The following CACNA1A variants were observed in gnomAD, a reference collection of about 807,000 sequenced individuals.
CACNA1A encodes the protein calcium voltage-gated channel subunit alpha1 A, also known as voltage-dependent P/Q-type calcium channel subunit alpha-1A.
In CACNA1A, 57 loss-of-function variants were observed where a neutral mutation model predicts 262.4. That is an observed-to-expected ratio of 0.22 (90% CI 0.18 to 0.27). The LOEUF is 0.27. CACNA1A is among the 10% of genes least tolerant of loss of function. The pLI, the probability that CACNA1A is intolerant of heterozygous loss-of-function variation, is 1.00. For missense variants in CACNA1A, 2,526 were observed against 3,562.8 expected (o/e 0.71, Z 7.41); for synonymous variants, 1,431 against 1,419.3 (o/e 1.01, Z -0.18).
At chr19:13,268,713 T>C (rs186893710) in intron 24 of CACNA1A, among the ~76,000 whole-genome samples, 279 of 152,028 alleles carry the variant, frequency 1.8e-3, no homozygotes, top group African/African-American at 6.1e-3. Context: ...GGATTACAGG[T>C]GTGAGCCACC....
At chr19:13,332,339 G>A (rs907008635) in intron 9 of CACNA1A, among the ~76,000 whole-genome samples, 1 of 152,006 alleles carries the variant, frequency 6.6e-6, no homozygotes, top group African/African-American at 2.4e-5. Flanking sequence ...GCCAGAGGTT[G>A]CAGTGAGGTG....
At chr19:13,261,304 C>T in intron 26 of CACNA1A, 146 bp downstream of exon 26, 2 of 655,676 alleles carry the variant, frequency 3.1e-6, no homozygotes, top group Non-Finnish European at 5.1e-6. Context: ...TTCTTTCTAC[C>T]CAAGATCCAA....
At position 13,455,229 on chromosome 19, in the gene CACNA1A, GA is replaced by G; in HGVS notation, c.294-18del. 1 of 1,504,808 alleles carries G rather than the reference GA, an allele frequency of 6.6e-7. No homozygotes were observed. Among genetic ancestry groups the G allele is most frequent in the Non-Finnish European group, 9.3e-7 (1 of 1,080,904 alleles). The allele number at this position is 1,504,808 out of a possible 1,614,324, so 93.2% of individuals were successfully genotyped here. ...TCAAAGGGAGTATTGGGGAATTAAG[GA>G]AAAATCTTGTTCAAAGAAAAGAAGG... On this transcript the variant is annotated intron_variant, in intron 1 of 46. Coordinates refer to ENST00000360228, the MANE Select transcript of CACNA1A (RefSeq NM_001127222.2).
intron 1 of CACNA1A, among the ~76,000 whole-genome samples, chr19:13,457,853 CAAAAAAAAA>C (rs775895393): frequency 3.4e-5 from 2 of 58,672 alleles, no homozygotes; most frequent in South Asian, 1.2e-3. Flanking sequence ...AACTCCGTTT[CAAAAAAAAA>C]AAAAAAAAAG....
At chr19:13,267,076 A>G (rs2144791239) in intron 24 of CACNA1A, among the ~76,000 whole-genome samples, 1 of 152,256 alleles carries the variant, frequency 6.6e-6, no homozygotes, top group African/African-American at 2.4e-5. Context: ...CCACAGAAAC[A>G]GGCCCAGAAC....
At chr19:13,456,599 G>A (rs2061013675) in intron 1 of CACNA1A, among the ~76,000 whole-genome samples, 1 of 152,086 alleles carries the variant, frequency 6.6e-6, no homozygotes, top group South Asian at 2.1e-4. Flanking sequence ...GCGTGAACCT[G>A]GGAGGCGGAG....
chr19:13,237,741 CAG>C (rs2144658370), intron 31 of CACNA1A, among the ~76,000 whole-genome samples: 1 of 152,304 alleles, frequency 6.6e-6, no homozygotes, highest in South Asian at 2.1e-4. Context: ...GCTTGGCTAA[CAG>C]AGTCACTCTC....
chr19:13,506,302 G>A lies in CACNA1A; in HGVS notation c.-78C>T. On this transcript the variant is annotated 5_prime_UTR_variant, in exon 1 of 47. Transcript: ENST00000360228. ...CGCCGCCGCCGCCGCCGCCGCCGCT[G>A]ATGCTGAGGCTGCCGGGGCTGGGAG... 1 of 1,289,826 alleles carries A rather than the reference G, an allele frequency of 7.8e-7. No homozygotes were observed. Among genetic ancestry groups the A allele is most frequent in the Non-Finnish European group, 1.0e-6 (1 of 995,400 alleles). The allele number at this position is 1,289,826 out of a possible 1,614,324, so 79.9% of individuals were successfully genotyped here. A position where few individuals can be genotyped will look rare whatever the true frequency, so the allele number is the denominator to read the frequency against.
intron 7 of CACNA1A, 68 bp from the exon 8 acceptor site, chr19:13,334,561 TTGTGTGTGTGTGTG>T (rs1196739807): frequency 5.4e-5 from 17 of 312,660 alleles, no homozygotes; most frequent in Non-Finnish European, 8.7e-5. Context: ...GTGTGTGTGT[TTGTGTGTGTGTGTG>T]TGTGTGTGTG....
At chr19:13,505,206 G>A (rs1018782052) in intron 1 of CACNA1A, among the ~76,000 whole-genome samples, 5 of 152,118 alleles carry the variant, frequency 3.3e-5, no homozygotes, top group African/African-American at 1.2e-4. Context: ...CCCCAAAGAT[G>A]ATGAGGTTCC....
chr19:13,423,991 C>A (rs1382589811), intron 3 of CACNA1A, among the ~76,000 whole-genome samples: 1 of 152,178 alleles, frequency 6.6e-6, no homozygotes, highest in African/African-American at 2.4e-5. Context: ...GCCCTGCCCT[C>A]CAGGGAGTGT....
intron 3 of CACNA1A, among the ~76,000 whole-genome samples, chr19:13,419,454 T>C (rs1277180707): frequency 6.6e-6 from 1 of 151,348 alleles, no homozygotes; most frequent in Non-Finnish European, 1.5e-5. Flanking sequence ...GGTGGGAGGC[T>C]CTTTTGAGCC....
In CACNA1A at chr19:13,429,945, G is replaced by C. The variant is rs1272890342; in HGVS notation, c.539+22931C>G. On this transcript the variant is annotated intron_variant, in intron 3 of 46. Transcript: ENST00000360228. ...TCACAGAGATAGAAACTAGAACGGCGGGTGCCAGGGGCTGGGGGAGTGGGG... is the reference window on the plus strand; with the variant it reads ...TCACAGAGATAGAAACTAGAACGGCCGGTGCCAGGGGCTGGGGGAGTGGGG... Among the ~76,000 whole-genome samples, 8 of 144,428 alleles carry C rather than the reference G, an allele frequency of 5.5e-5. No individual in the cohort carries two copies. The South Asian group carries it at 1.9e-3, about 34-fold the overall frequency. The allele number at this position is 144,428 out of a possible 152,430, so 94.8% of individuals were successfully genotyped here.
intron 3 of CACNA1A, among the ~76,000 whole-genome samples, chr19:13,415,763 A>T (rs1158829632): frequency 2.7e-5 from 4 of 147,126 alleles, no homozygotes; most frequent in African/African-American, 9.9e-5. Flanking sequence ...AAAAAAAAAA[A>T]AAAAAAAAAA....
chr19:13,333,583 C>CAAT, intron 8 of CACNA1A: 1 of 152,306 alleles, frequency 6.6e-6, no homozygotes, highest in East Asian at 1.9e-4. Flanking sequence ...TACAGGCGTG[C>CAAT]GCCACCATGC....
chr19:13,308,143 C>T lies in CACNA1A; in HGVS notation c.1890G>A (p.Leu630=). The change falls in exon 14 of 47, where the codon TTG becomes TTA. Residue 630 remains leucine (L), a synonymous_variant. Coordinates refer to ENST00000360228, the MANE Select transcript of CACNA1A (RefSeq NM_001127222.2). The surrounding 1 kb of genome is among the most constrained non-coding windows in gnomAD (Gnocchi z 4.2). ...LFLFIVVFAL[L]GMQLFGGQFN... Reference sequence around the variant, plus strand: ...ACTGGCCGCCGAAGAGTTGCATTCCCAAAAGGGCGAAGACGACAATGAACA... The same window carrying T: ...ACTGGCCGCCGAAGAGTTGCATTCCTAAAAGGGCGAAGACGACAATGAACA... The T allele has an allele frequency of 5.6e-6, 9 of 1,613,958 alleles. No homozygotes were observed. The highest frequency in any genetic ancestry group is 5.1e-6 in the Non-Finnish European group (6 of 1,179,878).
At chr19:13,373,811 C>T (rs938880063) in intron 3 of CACNA1A, among the ~76,000 whole-genome samples, 8 of 152,198 alleles carry the variant, frequency 5.3e-5, no homozygotes, top group South Asian at 2.1e-4. Flanking sequence ...CACAAGTGGG[C>T]GTCTGAGCGT....
chr19:13,472,318 A>G (rs1483350016), intron 1 of CACNA1A, among the ~76,000 whole-genome samples: 1 of 151,828 alleles, frequency 6.6e-6, no homozygotes, highest in Non-Finnish European at 1.5e-5. Flanking sequence ...GTATACATAT[A>G]TATGCTTTAT....
intron 1 of CACNA1A, among the ~76,000 whole-genome samples, chr19:13,466,002 G>A (rs1172224706): frequency 2.0e-5 from 3 of 152,146 alleles, no homozygotes; most frequent in Admixed American, 2.0e-4. Flanking sequence ...CTGGAGGAAG[G>A]TGGTGGGGAG....
Sources: gnomAD v4.1 joint callset for allele counts (sites outside exome capture counted in the v4.1 genomes callset) on GRCh38, gnomAD v4.1.1 for gene constraint, Gnocchi (gnomAD v3.1) non-coding constraint, MANE v1.5 for transcripts, NCBI Gene and HGNC (gene_info 2026-07-23, HGNC 2026-07-21) for gene names.